Variants in TTC39A observed in about 807,000 individuals in gnomAD.
TTC39A encodes tetratricopeptide repeat domain 39A.
In TTC39A, 46 loss-of-function variants were observed where a neutral mutation model predicts 82.3. The observed-to-expected ratio is 0.56, with a 90% CI of 0.44 to 0.71. The LOEUF is 0.71. Ranked by LOEUF, TTC39A falls within the 30% of genes least tolerant of loss-of-function variation. The probability of loss-of-function intolerance (pLI) is 0.00; values close to 1 mark genes in which losing one functional copy is unlikely to be tolerated. For missense variants in TTC39A, 543 were observed against 712.9 expected, an observed-to-expected ratio of 0.76 and a Z score of 2.71; for synonymous variants, 254 against 275.2, an observed-to-expected ratio of 0.92 and a Z score of 0.76.
At chr1:51,307,338 C>T (rs772895417) in intron 6 of TTC39A, among the ~76,000 whole-genome samples, 3 of 152,128 alleles carry the variant, frequency 2.0e-5, no homozygotes, top group Admixed American at 6.5e-5. Context: ...TCCAAGGTAA[C>T]ATGATGTCCA....
intron 4 of TTC39A, 74 bp from the exon 5 acceptor site, chr1:51,311,395 C>G: frequency 1.5e-6 from 2 of 1,377,748 alleles, no homozygotes; most frequent in Non-Finnish European, 2.0e-6. Context: ...TCCTCACACC[C>G]CAACTTCCCC....
chr1:51,297,242 GCT>G (rs1215788070), intron 12 of TTC39A: 1 of 149,062 alleles, frequency 6.7e-6, no homozygotes, highest in Non-Finnish European at 1.5e-5. Flanking sequence ...ATGTGGTCTC[GCT>G]CTGTCGCCCA....
At chr1:51,292,303 A>G (rs536101608) in intron 14 of TTC39A, among the ~76,000 whole-genome samples, 18 of 152,340 alleles carry the variant, frequency 1.2e-4, no homozygotes, top group African/African-American at 3.8e-4. Context: ...ATGTGAAAAC[A>G]CTTTGTAGCC....
intron 5 of TTC39A, among the ~76,000 whole-genome samples, chr1:51,310,169 G>A (rs1166915763): frequency 1.3e-5 from 2 of 152,074 alleles, no homozygotes; most frequent in African/African-American, 4.8e-5. Context: ...CCCAGGAGGC[G>A]GAGGTTGCAG....
chr1:51,298,448 C>G (rs115789566), intron 12 of TTC39A: 1 of 152,760 alleles, frequency 6.5e-6, no homozygotes, highest in Non-Finnish European at 1.5e-5. Context: ...CTGTGCTGCT[C>G]CTCGGCCCGG....
chr1:51,318,517 C>A (rs578039773), intron 2 of TTC39A, among the ~76,000 whole-genome samples: 1 of 152,264 alleles, frequency 6.6e-6, no homozygotes, highest in South Asian at 2.1e-4. Context: ...AGAAGCTGGG[C>A]CACTGACCCT....
At chr1:51,311,726 T>A (rs1645090982) in intron 4 of TTC39A, among the ~76,000 whole-genome samples, 1 of 152,206 alleles carries the variant, frequency 6.6e-6, no homozygotes, top group African/African-American at 2.4e-5. Flanking sequence ...CTTCTTCTCA[T>A]GTTGTCCCAT....
chr1:51,311,085 G>A (rs567206409), intron 5 of TTC39A, among the ~76,000 whole-genome samples, 169 bp downstream of exon 5: 308 of 152,352 alleles, frequency 2.0e-3, no homozygotes, highest in Non-Finnish European at 3.0e-3. Context: ...ACTTCCCTTT[G>A]AGCCCCGCCA....
chr1:51,309,232 C>T, intron 6 of TTC39A, 29 bp downstream of exon 6: 9 of 1,586,406 alleles, frequency 5.7e-6, no homozygotes, highest in Non-Finnish European at 7.7e-6. Context: ...CCAGGGTCTC[C>T]CCACAAGCGG....
At position 51,289,998 on chromosome 1, in the gene TTC39A, C is replaced by A; in HGVS notation, c.1493+7G>T. 2 of 1,610,338 alleles carry A rather than the reference C, an allele frequency of 1.2e-6. No homozygotes were observed. Among genetic ancestry groups the A allele is most frequent in the Non-Finnish European group, 1.7e-6 (2 of 1,177,714 alleles). On this transcript the variant is annotated splice_region_variant and intron_variant, in intron 16 of 17. Coordinates refer to ENST00000680483, the MANE Select transcript of TTC39A (RefSeq NM_001297663.2). Reference sequence around the variant, plus strand: ...GACCCAGAAGGAGCAGCTGCAGAGGCACTTACTTGGCAGAGATGCTCCTAA... The same window carrying A: ...GACCCAGAAGGAGCAGCTGCAGAGGAACTTACTTGGCAGAGATGCTCCTAA...
chr1:51,320,745 G>A (rs1052849983), intron 2 of TTC39A, among the ~76,000 whole-genome samples: 4 of 151,466 alleles, frequency 2.6e-5, no homozygotes, highest in African/African-American at 7.3e-5. Flanking sequence ...GAGCCACCAC[G>A]CCTAGTTAAA....
chr1:51,343,894 G>C (rs1646066071), intron 1 of TTC39A, among the ~76,000 whole-genome samples: 2 of 152,214 alleles, frequency 1.3e-5, no homozygotes, highest in East Asian at 3.9e-4. Flanking sequence ...GAGCCACCAC[G>C]CCTAGCCTAT....
At chr1:51,311,227 C>A (rs745727925) in intron 5 of TTC39A, 27 bp downstream of exon 5, 2 of 1,556,916 alleles carry the variant, frequency 1.3e-6, no homozygotes, top group African/African-American at 1.4e-5. Context: ...GAAATCCCAG[C>A]CTCTTTGTAC....
At chr1:51,331,504 A>C (rs906226958), upstream of TTC39A, 6 of 985,334 alleles carry the variant, frequency 6.1e-6, no homozygotes, top group African/African-American at 8.7e-5. Flanking sequence ...CCCCTGGAGC[A>C]ACTATGACCT....
chr1:51,307,994 A>G (rs1057022908), intron 6 of TTC39A, among the ~76,000 whole-genome samples: 10 of 151,950 alleles, frequency 6.6e-5, no homozygotes, highest in Non-Finnish European at 1.5e-5. Flanking sequence ...CCCCTTTGCC[A>G]TGTTATTCCT....
intron 1 of TTC39A, among the ~76,000 whole-genome samples, chr1:51,337,485 G>T (rs2148320545): frequency 6.7e-6 from 1 of 150,232 alleles, no homozygotes; most frequent in South Asian, 2.1e-4. Flanking sequence ...GGAATGAGTG[G>T]CACAGTCTTC....
chr1:51,331,388 C>A, upstream of TTC39A: 1 of 1,467,016 alleles, frequency 6.8e-7, no homozygotes, highest in Non-Finnish European at 9.0e-7. Flanking sequence ...GTCACCATCT[C>A]CTGGCCCCAG....
At chr1:51,319,772 C>G (rs928588304) in intron 2 of TTC39A, among the ~76,000 whole-genome samples, 4 of 151,454 alleles carry the variant, frequency 2.6e-5, no homozygotes, top group African/African-American at 9.7e-5. Flanking sequence ...CTCACTGCAA[C>G]CTCCACCTCC....
chr1:51,344,075 G>A (rs1361257980), intron 1 of TTC39A, among the ~76,000 whole-genome samples: 1 of 152,180 alleles, frequency 6.6e-6, no homozygotes, highest in Non-Finnish European at 1.5e-5. Context: ...TGTAGACGGG[G>A]GTGGGAGAAA....
Sources: allele counts gnomAD v4.1 joint callset (sites outside exome capture counted in the v4.1 genomes callset), GRCh38; gene constraint gnomAD v4.1.1; transcripts MANE v1.5; gene names NCBI Gene and HGNC (gene_info 2026-07-23, HGNC 2026-07-21).